CCDC186: variants seen among roughly 807,000 people sequenced by gnomAD.
The protein encoded by CCDC186 is coiled-coil domain-containing protein 186.
Under a neutral mutation model 113.7 loss-of-function variants are expected in CCDC186, and 49 were observed. The ratio of observed to expected loss-of-function variants is 0.43; its 90% CI spans 0.34 to 0.55. The LOEUF is 0.55. Among genes scored for constraint, CCDC186 ranks in the 20% least tolerant of loss-of-function variants. CCDC186 has a pLI of 0.02. For missense variants in CCDC186, 890 were observed against 1,011.1 expected (o/e 0.88, Z 1.62); for synonymous variants, 355 against 345.8 (o/e 1.03, Z -0.30).
intron 3 of CCDC186, among the ~76,000 whole-genome samples, chr10:114,154,722 C>T (rs1372997966): frequency 6.6e-6 from 1 of 152,044 alleles, no homozygotes; most frequent in Non-Finnish European, 1.5e-5. Context: ...AGGTATACAC[C>T]CAAGAGAAAT....
In CCDC186 at chr10:114,149,777, GC is replaced by G. The variant is rs1271369792; in HGVS notation, c.888+1314del. Among the ~76,000 whole-genome samples, 172 of 49,928 alleles carry G rather than the reference GC, an allele frequency of 3.4e-3. 1 individual carries two copies. Among genetic ancestry groups the G allele is most frequent in the South Asian group, 0.019 (27 of 1,422 alleles). The allele number at this position is 49,928 out of a possible 152,430, so 32.8% of individuals were successfully genotyped here. A position where few individuals can be genotyped will look rare whatever the true frequency, so the allele number is the denominator to read the frequency against. The stretch of plus-strand genomic sequence containing the variant: ...GGCAGGAAGGAAGGAAGGAAGGAAG[GC>G]AGGAAGGCAGGAAGGAAGGAAGGAA... On this transcript the variant is annotated intron_variant, in intron 4 of 15. Coordinates refer to ENST00000369287, the MANE Select transcript of CCDC186 (RefSeq NM_018017.4).
At position 114,151,112 on chromosome 10, in the gene CCDC186, T is replaced by C. The variant is rs2031844277; in HGVS notation, c.868A>G (p.Met290Val). 6.2e-7 allele frequency: 1 copy of C among 1,613,672 alleles called. No homozygotes were observed. The highest frequency in any genetic ancestry group is 8.5e-7 in the Non-Finnish European group (1 of 1,179,838). Reference protein sequence around the residue: ...KNAVQQLHKEMAQRMEQANKK... With the variant: ...KNAVQQLHKEVAQRMEQANKK... ...AATACCTGTTCCATCCGTTGGGCCA[T>C]CTCTTTGTGTAACTGCTGAACTGCA... The change falls in exon 4 of 16, where the codon ATG becomes GTG. Residue 290 changes from methionine to valine, a missense_variant. By Grantham distance (21) the Met-to-Val change is conservative (BLOSUM62 1). Transcript: ENST00000369287.
chr10:114,142,385 G>A (rs532423827), intron 6 of CCDC186, among the ~76,000 whole-genome samples: 1 of 152,290 alleles, frequency 6.6e-6, no homozygotes, highest in African/African-American at 2.4e-5. Flanking sequence ...GTCAAACCAT[G>A]GCAGCCAAAG....
chr10:114,129,217 C>G (rs2031007511), intron 13 of CCDC186, among the ~76,000 whole-genome samples: 1 of 151,854 alleles, frequency 6.6e-6, no homozygotes, highest in Admixed American at 6.6e-5. Flanking sequence ...GTTCCGGTTA[C>G]TTGAGAGGCT....
chr10:114,122,728 T>C lies in CCDC186; in HGVS notation c.*2415A>G, dbSNP rs2030768136. The C allele has an allele frequency of 5.3e-5, 8 of 152,166 alleles. No individual in the cohort carries two copies. The highest frequency in any genetic ancestry group is 4.6e-4 in the Admixed American group (7 of 15,276). 9.4% of individuals were successfully genotyped at this position (152,166 alleles called of 1,614,324 possible). ...GTGAATTAGTATAGAGATAAGTATC[T>C]CTGATACATGTAATTACTTTGCTCA... is the stretch of plus-strand genomic sequence containing the variant. On this transcript the variant is annotated 3_prime_UTR_variant, in exon 16 of 16. Transcript: ENST00000369287.
In CCDC186 at chr10:114,163,281, C is replaced by CA; in HGVS notation, c.-14dup. 2 of 1,592,336 alleles carry CA rather than the reference C, an allele frequency of 1.3e-6. No individual in the cohort carries two copies. Among genetic ancestry groups the CA allele is most frequent in the South Asian group, 2.3e-5 (2 of 87,676 alleles). On this transcript the variant is annotated 5_prime_UTR_variant, in exon 2 of 16. Transcript: ENST00000369287. ...CTGTCTCTGACATGCTGACTGGCAC[C>CA]AATTCACTTTGTAATTCTTCAAATC...
chr10:114,128,409 A>C (rs1345001985), intron 13 of CCDC186, among the ~76,000 whole-genome samples: 1 of 152,208 alleles, frequency 6.6e-6, no homozygotes, highest in Non-Finnish European at 1.5e-5. Flanking sequence ...CATGTCTATA[A>C]TTTCAAATCC....
At chr10:114,151,700 C>T (rs2031861612) in intron 3 of CCDC186, among the ~76,000 whole-genome samples, 1 of 152,156 alleles carries the variant, frequency 6.6e-6, no homozygotes, top group Non-Finnish European at 1.5e-5. Context: ...GCCAGTTAGT[C>T]GCTTAGTAGC....
At chr10:114,161,158 T>A (rs1174223272) in intron 2 of CCDC186, among the ~76,000 whole-genome samples, 1 of 152,232 alleles carries the variant, frequency 6.6e-6, no homozygotes, top group African/African-American at 2.4e-5. Context: ...TAGGTAAATT[T>A]AACACCTTGT....
chr10:114,141,505 C>T (rs948137124), intron 6 of CCDC186, among the ~76,000 whole-genome samples: 2 of 152,162 alleles, frequency 1.3e-5, no homozygotes, highest in African/African-American at 4.8e-5. Flanking sequence ...GCAGCCCTGC[C>T]TGATGTGTGT....
chr10:114,157,748 T>C lies in CCDC186; in HGVS notation c.633-68A>G, dbSNP rs535637310. ...TGGAGATAAAATAATATGTGGAATA[T>C]AATTTCTTTACAGATCAGGGTACAG... is the stretch of plus-strand genomic sequence containing the variant. On this transcript the variant is annotated intron_variant, in intron 2 of 15. Transcript: ENST00000369287. 10 of 1,270,286 alleles carry C rather than the reference T, an allele frequency of 7.9e-6. 1 individual carries two copies. In the South Asian group the frequency reaches 1.1e-4, roughly 14 times the overall value. 78.7% of individuals were successfully genotyped at this position (1,270,286 alleles called of 1,614,324 possible). A position where few individuals can be genotyped will look rare whatever the true frequency, so the allele number is the denominator to read the frequency against.
At chr10:114,157,992 C>T (rs182762474) in intron 2 of CCDC186, among the ~76,000 whole-genome samples, 1 of 152,348 alleles carries the variant, frequency 6.6e-6, no homozygotes, top group East Asian at 1.9e-4. Flanking sequence ...ATCCTGTCAG[C>T]ACTGGCACTC....
chr10:114,168,181 G>A (rs1369160732), intron 1 of CCDC186: 2 of 152,098 alleles, frequency 1.3e-5, no homozygotes, highest in African/African-American at 4.8e-5. Context: ...CAGTACTACA[G>A]GACCAATTCA....
chr10:114,137,342 G>A, intron 6 of CCDC186, 52 bp from the exon 7 acceptor site: 1 of 1,307,774 alleles, frequency 7.6e-7, no homozygotes. Context: ...GTGATGAATG[G>A]TAAGAAGTGA....
chr10:114,133,106 A>T lies in CCDC186; in HGVS notation c.1656-922T>A, dbSNP rs544540179. ...AGGATTATACTAACCATAGTGTGGA[A>T]AACAGATTAGAGAGGATATAAGCAG... On this transcript the variant is annotated intron_variant, in intron 10 of 15. Coordinates refer to ENST00000369287, the MANE Select transcript of CCDC186 (RefSeq NM_018017.4). Among the ~76,000 whole-genome samples, 3 of 152,310 alleles carry T rather than the reference A, an allele frequency of 2.0e-5. No homozygotes were observed. The East Asian group carries it at 5.8e-4, about 29-fold the overall frequency.
At chr10:114,150,038 T>A (rs998822619) in intron 4 of CCDC186, among the ~76,000 whole-genome samples, 2 of 151,894 alleles carry the variant, frequency 1.3e-5, no homozygotes, top group East Asian at 3.9e-4. Flanking sequence ...ATGCAAGGAG[T>A]CAGCATGTTT....
intron 1 of CCDC186, chr10:114,173,283 G>A (rs1230386372): frequency 4.4e-6 from 2 of 450,588 alleles, no homozygotes; most frequent in African/African-American, 4.0e-5. Flanking sequence ...AAATCAAGAT[G>A]GGAATATTAG....
chr10:114,142,772 G>C (rs1464136484), intron 6 of CCDC186, among the ~76,000 whole-genome samples: 1 of 152,166 alleles, frequency 6.6e-6, no homozygotes, highest in African/African-American at 2.4e-5. Flanking sequence ...TAGTACCTAA[G>C]ACTTGGTGGG....
At chr10:114,168,208 C>T (rs2032391191) in intron 1 of CCDC186, 2 of 151,972 alleles carry the variant, frequency 1.3e-5, no homozygotes, top group Non-Finnish European at 2.9e-5. Flanking sequence ...GAAATCATTT[C>T]AGTGGGTGAG....
Sources: allele counts gnomAD v4.1 joint callset (sites outside exome capture counted in the v4.1 genomes callset), GRCh38; gene constraint gnomAD v4.1.1; transcripts MANE v1.5; gene names NCBI Gene and HGNC (gene_info 2026-07-23, HGNC 2026-07-21).